The following LRRN2 variants were observed in gnomAD, a reference collection of about 807,000 sequenced individuals.
The protein encoded by LRRN2 is leucine-rich repeat neuronal protein 2.
A neutral mutation model predicts 35.7 loss-of-function variants in LRRN2; 10 were observed. The observed-to-expected ratio is 0.28, with a 90% CI of 0.17 to 0.47. LRRN2 has a LOEUF of 0.47. LRRN2 is among the 20% of genes least tolerant of loss of function. LRRN2 has a pLI of 0.99. For synonymous variants in LRRN2, 391 were observed against 409.6 expected, an observed-to-expected ratio of 0.95 and a Z score of 0.55; for missense variants, 731 against 940.3, an observed-to-expected ratio of 0.78 and a Z score of 2.91.
intron 1 of LRRN2, among the ~76,000 whole-genome samples, chr1:204,631,424 C>T (rs1667702503): frequency 6.7e-6 from 1 of 149,672 alleles, no homozygotes; most frequent in African/African-American, 2.5e-5. Context: ...GACCTTATCC[C>T]AGGCACTGTA....
At chr1:204,620,704 A>C (rs1351948963) in intron 1 of LRRN2, 1 of 168,692 alleles carries the variant, frequency 5.9e-6, no homozygotes, top group African/African-American at 2.4e-5. Flanking sequence ...TCAGTGAAGG[A>C]GAGGAAGGTG....
At chr1:204,659,232 C>T (rs561202090) in intron 1 of LRRN2, among the ~76,000 whole-genome samples, 1 of 152,288 alleles carries the variant, frequency 6.6e-6, no homozygotes, top group Admixed American at 6.5e-5. Context: ...ATGTCAAGGG[C>T]CTACTGTACC....
intron 1 of LRRN2, among the ~76,000 whole-genome samples, chr1:204,658,297 C>T (rs559864728): frequency 1.6e-4 from 24 of 152,084 alleles, no homozygotes; most frequent in Non-Finnish European, 2.8e-4. Context: ...TATTTACAGC[C>T]GATTGGAAAG....
At chr1:204,630,586 C>T (rs1185045303) in intron 1 of LRRN2, among the ~76,000 whole-genome samples, 12 of 151,944 alleles carry the variant, frequency 7.9e-5, no homozygotes, top group African/African-American at 2.4e-4. Flanking sequence ...GTCCAGGCAG[C>T]CCGGAGATAA....
rs546047172 is a variant in LRRN2, at chr1:204,647,747, A to T, written c.-226-27529T>A. On this transcript the variant is annotated intron_variant, in intron 1 of 1. Transcript: ENST00000367177. ...GGAAGGAGCAGTATCAAGAACAAAG[A>T]CCAGAGCTGTCCAAGGTGGCAGCCC... Among the ~76,000 whole-genome samples the T allele has an allele frequency of 1.3e-3, 192 of 152,324 alleles. 2 individuals are homozygous for T. Among genetic ancestry groups the T allele is most frequent in the African/African-American group, 4.6e-3 (190 of 41,568 alleles).
chr1:204,619,468 G>A lies in LRRN2; in HGVS notation c.525C>T (p.Asn175=), dbSNP rs1666677351. The A allele has an allele frequency of 6.2e-7, 1 of 1,614,242 alleles. No individual in the cohort carries two copies. Among genetic ancestry groups the A allele is most frequent in the South Asian group, 1.1e-5 (1 of 91,082 alleles). Residue 175 remains asparagine, a synonymous_variant, in exon 2 of 2, where the codon AAC becomes AAT. Transcript: ENST00000367177. ...AGCGGCTGTCAATGGCCCTCAGGAGGTTGGAGTTGAGGTGCAGCCGCAGCA... is the reference window on the plus strand; with the variant it reads ...AGCGGCTGTCAATGGCCCTCAGGAGATTGGAGTTGAGGTGCAGCCGCAGCA... ...SNLLRLHLNS[N]LLRAIDSRWF... is the part of the protein sequence containing the mutation.
At chr1:204,647,746 G>C (rs1456818313) in intron 1 of LRRN2, among the ~76,000 whole-genome samples, 1 of 152,178 alleles carries the variant, frequency 6.6e-6, no homozygotes, top group East Asian at 1.9e-4. Context: ...CAAGAACAAA[G>C]ACCAGAGCTG....
chr1:204,645,560 G>T (rs1668086383), intron 1 of LRRN2, among the ~76,000 whole-genome samples: 1 of 152,188 alleles, frequency 6.6e-6, no homozygotes, highest in South Asian at 2.1e-4. Context: ...AACTCTCTGA[G>T]GCAGGTATTA....
At chr1:204,632,658 G>A (rs1280458382) in intron 1 of LRRN2, among the ~76,000 whole-genome samples, 14 of 146,822 alleles carry the variant, frequency 9.5e-5, no homozygotes, top group South Asian at 2.2e-4. Flanking sequence ...TTCGCCACGC[G>A]CAGTGGCCCA....
chr1:204,661,011 C>T (rs1484492316), intron 1 of LRRN2, among the ~76,000 whole-genome samples: 2 of 152,084 alleles, frequency 1.3e-5, no homozygotes, highest in Non-Finnish European at 2.9e-5. Flanking sequence ...ATGTGATCTC[C>T]CCAAGGCCTG....
rs1666728471 is a variant in LRRN2, at chr1:204,619,886, T to C, written c.107A>G (p.Gln36Arg). 1 of 1,613,746 alleles carries C rather than the reference T, an allele frequency of 6.2e-7. No individual in the cohort carries two copies. The highest frequency in any genetic ancestry group is 8.5e-7 in the Non-Finnish European group (1 of 1,179,966). The change falls in exon 2 of 2, where the codon CAG becomes CGG. Residue 36 changes from glutamine to arginine, a missense_variant. By Grantham distance (43) the Gln-to-Arg change is conservative (BLOSUM62 1). Around this residue, in one of 3 missense-constraint regions of LRRN2, gnomAD observed 246 missense variants for 289.5 expected, o/e 0.85. Transcript: ENST00000367177. ...HVPCPPQCAC[Q>R]IRPWYTPRSS... ...GCGGGGCGTATACCAGGGCCGGATC[T>C]GGCAGGCACACTGAGGGGGGCAGGG...
intron 1 of LRRN2, among the ~76,000 whole-genome samples, chr1:204,670,015 TTTG>T (rs1438546105): frequency 2.0e-5 from 3 of 151,804 alleles, no homozygotes; most frequent in African/African-American, 7.2e-5. Context: ...CGTTTTTTTT[TTTG>T]TTTGTTTGTT....
At chr1:204,625,583 G>T (rs983788820) in intron 1 of LRRN2, among the ~76,000 whole-genome samples, 2 of 152,102 alleles carry the variant, frequency 1.3e-5, no homozygotes, top group African/African-American at 2.4e-5. Flanking sequence ...CACTCCAGAA[G>T]GTTCCTACGT....
At position 204,617,583 on chromosome 1, in the gene LRRN2, GGC is replaced by G; in HGVS notation, c.*266_*267del. Reference sequence around the variant, plus strand: ...CCTCTGGGCAGAGAGAAGATGGGGAGGCAGGAGGCTCTAGCCAAAGTCCCTCC... The same window carrying G: ...CCTCTGGGCAGAGAGAAGATGGGGAGAGGAGGCTCTAGCCAAAGTCCCTCC... On this transcript the variant is annotated 3_prime_UTR_variant, in exon 2 of 2. Transcript: ENST00000367177. 4.3e-6 allele frequency: 2 copies of G among 465,012 alleles called. No homozygotes were observed. Among genetic ancestry groups the G allele is most frequent in the Non-Finnish European group, 3.9e-6 (1 of 257,868 alleles). The allele number at this position is 465,012 out of a possible 1,614,324, so 28.8% of individuals were successfully genotyped here. A position where few individuals can be genotyped will look rare whatever the true frequency, so the allele number is the denominator to read the frequency against.
At chr1:204,626,660 C>T (rs912417198) in intron 1 of LRRN2, 2 of 152,054 alleles carry the variant, frequency 1.3e-5, no homozygotes, top group African/African-American at 4.8e-5. Context: ...AGACTGAGAG[C>T]TCCTCGAGGA....
At chr1:204,684,345 T>C (rs1571692134) in intron 1 of LRRN2, among the ~76,000 whole-genome samples, 1 of 152,066 alleles carries the variant, frequency 6.6e-6, no homozygotes, top group African/African-American at 2.4e-5. Context: ...CTCCAACAGA[T>C]GGGAGCTGCG....
At chr1:204,652,226 C>G (rs980238641) in intron 1 of LRRN2, among the ~76,000 whole-genome samples, 67 of 149,868 alleles carry the variant, frequency 4.5e-4, no homozygotes, top group Non-Finnish European at 4.3e-4. Context: ...GACCCTTCCC[C>G]CTCCTCTCTC....
chr1:204,618,251 C>G lies in LRRN2; in HGVS notation c.1742G>C (p.Ser581Thr). 6.2e-7 allele frequency: 1 copy of G among 1,612,366 alleles called. No individual in the cohort carries two copies. The highest frequency in any genetic ancestry group is 8.5e-7 in the Non-Finnish European group (1 of 1,178,998). Residue 581 changes from serine (S) to threonine (T), a missense_variant, in exon 2 of 2, where the codon AGC (serine) becomes ACC (threonine). Physicochemically the swap from Ser to Thr is moderately conservative, Grantham distance 58 (BLOSUM62 1). Transcript: ENST00000367177. ...CTGAAGGAGGCGGGTAATGTTGTAG[C>G]TGTGGGTTCCCCGAGGCAGGCGGGC... is the stretch of plus-strand genomic sequence containing the variant. ...ALARLPRGTHSYNITRLLQAT... is the reference protein window; with the variant it reads ...ALARLPRGTHTYNITRLLQAT...
chr1:204,629,866 A>G (rs1667635376), intron 1 of LRRN2, among the ~76,000 whole-genome samples: 1 of 152,178 alleles, frequency 6.6e-6, no homozygotes, highest in African/African-American at 2.4e-5. Context: ...AGAAAACCAA[A>G]TACCACATCT....
Sources: allele counts gnomAD v4.1 joint callset (sites outside exome capture counted in the v4.1 genomes callset), GRCh38; gene constraint gnomAD v4.1.1; regional missense constraint gnomAD v4.1.1; transcripts MANE v1.5; gene names NCBI Gene and HGNC (gene_info 2026-07-23, HGNC 2026-07-21).